The following RTN4RL2 variants were observed in gnomAD, a reference collection of about 807,000 sequenced individuals.
RTN4RL2 encodes the protein reticulon 4 receptor like 2.
A neutral mutation model predicts 27.8 loss-of-function variants in RTN4RL2; 9 were observed. The observed-to-expected ratio is 0.32, with a 90% CI of 0.20 to 0.57. The LOEUF is 0.57. Ranked by LOEUF, RTN4RL2 falls within the 20% of genes least tolerant of loss-of-function variation. The probability of loss-of-function intolerance (pLI) is 0.90; values close to 1 mark genes in which losing one functional copy is unlikely to be tolerated. For synonymous variants in RTN4RL2, 285 were observed against 297.9 expected, an observed-to-expected ratio of 0.96 and a Z score of 0.45; for missense variants, 436 against 596.8, an observed-to-expected ratio of 0.73 and a Z score of 2.81.
chr11:57,467,958 C>T lies in RTN4RL2; in HGVS notation c.381C>T (p.Phe127=), dbSNP rs1341858718. 1.2e-6 allele frequency: 2 copies of T among 1,612,262 alleles called. No homozygotes were observed. The part of the protein sequence containing the change: ...RHLRSLEPDT[F]QGLERLQSLH... The stretch of plus-strand genomic sequence containing the variant: ...TGCGCTCGCTGGAGCCCGACACCTT[C>T]CAGGGCCTGGAGCGGCTGCAGTCGC... The change falls in exon 2 of 3, where the codon TTC becomes TTT. Residue 127 remains phenylalanine, a synonymous_variant. Transcript: ENST00000335099. This position sits in a 1 kb window ranked among gnomAD's most constrained non-coding sequence, Gnocchi z 5.5.
chr11:57,474,641 C>T (rs1202916384), intron 2 of RTN4RL2, among the ~76,000 whole-genome samples: 1 of 152,214 alleles, frequency 6.6e-6, no homozygotes, highest in African/African-American at 2.4e-5. Context: ...TGAAGTCCTG[C>T]TTCCCTCTCT....
At position 57,467,647 on chromosome 11, in the gene RTN4RL2, C is replaced by T. The variant is rs780729048; in HGVS notation, c.70C>T (p.Leu24=). 4 of 1,610,500 alleles carry T rather than the reference C, an allele frequency of 2.5e-6. No individual in the cohort carries two copies. The highest frequency in any genetic ancestry group is 3.4e-6 in the Non-Finnish European group (4 of 1,178,782). ...CTGCCTCCTGCTGATGCTCCTGGCCCTGCCCCTGGCGGCCCCCAGCTGCCC... is the reference window on the plus strand; with the variant it reads ...CTGCCTCCTGCTGATGCTCCTGGCCTTGCCCCTGGCGGCCCCCAGCTGCCC... ...SACLLLMLLA[L]PLAAPSCPML... The change falls in exon 2 of 3, where the codon CTG becomes TTG. Residue 24 remains leucine (L), a synonymous_variant. Coordinates refer to ENST00000335099, the MANE Select transcript of RTN4RL2 (RefSeq NM_178570.3). The surrounding 1 kb of genome is among the most constrained non-coding windows in gnomAD (Gnocchi z 5.5).
At chr11:57,461,230 C>A (rs909808820) in intron 1 of RTN4RL2, among the ~76,000 whole-genome samples, 1 of 152,136 alleles carries the variant, frequency 6.6e-6, no homozygotes, top group Non-Finnish European at 1.5e-5. Flanking sequence ...GCTGGGGAAG[C>A]GCCGACTCAG....
At chr11:57,473,643 A>G (rs767092164) in intron 2 of RTN4RL2, among the ~76,000 whole-genome samples, 8 of 151,908 alleles carry the variant, frequency 5.3e-5, no homozygotes, top group Non-Finnish European at 1.0e-4. Context: ...TTATTAATGC[A>G]TAGAGAACGG....
intron 1 of RTN4RL2, among the ~76,000 whole-genome samples, chr11:57,461,346 G>A (rs1465662868): frequency 6.6e-6 from 1 of 151,982 alleles, no homozygotes; most frequent in Non-Finnish European, 1.5e-5. Flanking sequence ...GGAAATCCAA[G>A]TGGCCCTCTC....
chr11:57,461,103 G>A (rs1943480781), intron 1 of RTN4RL2, among the ~76,000 whole-genome samples: 1 of 152,164 alleles, frequency 6.6e-6, no homozygotes, highest in Non-Finnish European at 1.5e-5. Context: ...CGTGCGAGGA[G>A]CTCGTGACCG....
In RTN4RL2 at chr11:57,471,483, T is replaced by C. The variant is rs543328432; in HGVS notation, c.513+3393T>C. Among the ~76,000 whole-genome samples the C allele has an allele frequency of 2.6e-5, 4 of 152,310 alleles. No individual in the cohort carries two copies. In the South Asian group the frequency reaches 8.3e-4, roughly 32 times the overall value. ...AAGCAACTTCACACCTGGCCTTTTA[T>C]AGAGGAGATGGAAAACACAGCCTCT... On this transcript the variant is annotated intron_variant, in intron 2 of 2. Transcript: ENST00000335099.
In RTN4RL2 at chr11:57,467,707, G is replaced by T; in HGVS notation, c.130G>T (p.Val44Leu). The T allele has an allele frequency of 5.0e-6, 8 of 1,612,260 alleles. No homozygotes were observed. The highest frequency in any genetic ancestry group is 6.8e-6 in the Non-Finnish European group (8 of 1,180,000). ...CACCTGCTACTCATCCCCGCCCACC[G>T]TGAGCTGCCAGGCCAACAACTTCTC... ...LCTCYSSPPT[V>L]SCQANNFSSV... Residue 44 changes from valine (V) to leucine (L), a missense_variant, in exon 2 of 3, where the codon GTG (valine) becomes TTG (leucine). Transcript: ENST00000335099. The surrounding 1 kb of genome is among the most constrained non-coding windows in gnomAD (Gnocchi z 5.5).
At chr11:57,465,811 A>G (rs2135117196) in intron 1 of RTN4RL2, among the ~76,000 whole-genome samples, 1 of 151,972 alleles carries the variant, frequency 6.6e-6, no homozygotes, top group East Asian at 1.9e-4. Flanking sequence ...TATCATAATA[A>G]GGATGGATCA....
intron 1 of RTN4RL2, 130 bp downstream of exon 1, chr11:57,461,026 T>A: frequency 3.9e-6 from 2 of 508,900 alleles, no homozygotes; most frequent in South Asian, 7.8e-5. Context: ...AGCTCAGCGC[T>A]GGGGCCGCGC....
chr11:57,461,985 G>A (rs112191731), intron 1 of RTN4RL2, among the ~76,000 whole-genome samples: 54 of 152,000 alleles, frequency 3.6e-4, no homozygotes, highest in Non-Finnish European at 5.9e-4. Flanking sequence ...TTCCCAAAGC[G>A]CCTGCCTGCC....
chr11:57,468,915 A>G, intron 2 of RTN4RL2: 2 of 775,646 alleles, frequency 2.6e-6, no homozygotes, highest in South Asian at 1.5e-5. Context: ...TTTGACACGC[A>G]AATCATCCCA....
intron 2 of RTN4RL2, among the ~76,000 whole-genome samples, chr11:57,470,938 G>C (rs141578708): frequency 1.9e-4 from 29 of 152,098 alleles, no homozygotes; most frequent in African/African-American, 7.0e-4. Flanking sequence ...TTAGTGTATA[G>C]AAAGCCCATA....
intron 2 of RTN4RL2, among the ~76,000 whole-genome samples, chr11:57,472,463 G>A (rs539919193): frequency 3.3e-5 from 5 of 152,038 alleles, no homozygotes; most frequent in East Asian, 1.9e-4. Flanking sequence ...CACCCGCCTC[G>A]GCCTCCCAAA....
At chr11:57,468,535 C>A in intron 2 of RTN4RL2, 2 of 1,533,138 alleles carry the variant, frequency 1.3e-6, no homozygotes, top group Non-Finnish European at 1.7e-6. Context: ...CACGTGTTTG[C>A]CTTCAGGGCA....
intron 1 of RTN4RL2, among the ~76,000 whole-genome samples, chr11:57,464,945 G>A (rs189239207): frequency 2.2e-4 from 33 of 152,304 alleles, no homozygotes; most frequent in African/African-American, 7.5e-4. Context: ...GAATGGAACA[G>A]CAGCCGCTGT....
chr11:57,466,549 TC>T (rs751918196), intron 1 of RTN4RL2, among the ~76,000 whole-genome samples: 1 of 152,140 alleles, frequency 6.6e-6, no homozygotes, highest in Admixed American at 6.5e-5. Context: ...TCCCAGGCTG[TC>T]CCCCCAGGAA....
chr11:57,468,182 C>T, intron 2 of RTN4RL2, 92 bp downstream of exon 2: 1 of 1,359,032 alleles, frequency 7.4e-7, no homozygotes, highest in Non-Finnish European at 1.0e-6. Flanking sequence ...CGTCCCTCCT[C>T]TCTCCCCAGG....
Position 57,467,149 on chromosome 11 carries a change from T to C in RTN4RL2, c.32-460T>C, listed in dbSNP as rs1175940097. ...TGGAAGTGGCCAGGCCACTTGAGGC[T>C]ATAACGTTGTCCCCTGAGCCCCCAG... is the stretch of plus-strand genomic sequence containing the variant. On this transcript the variant is annotated intron_variant, in intron 1 of 2. Transcript: ENST00000335099. The surrounding 1 kb of genome is among the most constrained non-coding windows in gnomAD (Gnocchi z 5.5). Among the ~76,000 whole-genome samples the C allele has an allele frequency of 6.6e-6, 1 of 152,212 alleles. No homozygotes were observed. Among genetic ancestry groups the C allele is most frequent in the Non-Finnish European group, 1.5e-5 (1 of 68,036 alleles).
Sources: gnomAD v4.1 joint callset for allele counts (sites outside exome capture counted in the v4.1 genomes callset) on GRCh38, gnomAD v4.1.1 for gene constraint, Gnocchi (gnomAD v3.1) non-coding constraint, MANE v1.5 for transcripts, NCBI Gene and HGNC (gene_info 2026-07-23, HGNC 2026-07-21) for gene names.